The following NDST4 variants were observed in gnomAD, a reference collection of about 807,000 sequenced individuals.
NDST4 encodes N-deacetylase and N-sulfotransferase 4.
NDST4 carries 63 observed loss-of-function variants against 100.8 expected under a neutral mutation model. The observed-to-expected ratio is 0.62, with a 90% CI of 0.51 to 0.77. The LOEUF (loss-of-function observed/expected upper bound fraction) is 0.77. Among genes scored for constraint, NDST4 ranks in the 30% least tolerant of loss-of-function variants. NDST4 has a pLI of 0.00. For missense variants in NDST4, 943 were observed against 1,018.4 expected (o/e 0.93, Z 1.01); for synonymous variants, 377 against 361.8 (o/e 1.04, Z -0.48).
At position 114,966,210 on chromosome 4, in the gene NDST4, C is replaced by G. The variant is rs143969336; in HGVS notation, c.1221+4220G>C. ...ATAATACATCCACACACATGTACACCCCCACTGCATACATTGGTGCTCATG... is the reference window on the plus strand; with the variant it reads ...ATAATACATCCACACACATGTACACGCCCACTGCATACATTGGTGCTCATG... On this transcript the variant is annotated intron_variant, in intron 4 of 13. Coordinates refer to ENST00000264363, the MANE Select transcript of NDST4 (RefSeq NM_022569.3). Among the ~76,000 whole-genome samples, 441 of 151,952 alleles carry G rather than the reference C, an allele frequency of 2.9e-3. 8 individuals are homozygous for G. The highest frequency in any genetic ancestry group is 5.1e-3 in the Non-Finnish European group (348 of 67,872).
intron 8 of NDST4, among the ~76,000 whole-genome samples, chr4:114,851,125 C>T (rs1723667306): frequency 6.6e-6 from 1 of 152,130 alleles, no homozygotes; most frequent in Non-Finnish European, 1.5e-5. Context: ...GAGATGCATG[C>T]ACCACATTTA....
At chr4:114,890,666 C>T (rs1724574029) in intron 6 of NDST4, among the ~76,000 whole-genome samples, 1 of 152,076 alleles carries the variant, frequency 6.6e-6, no homozygotes, top group Admixed American at 6.6e-5. Flanking sequence ...TATCCTCTCT[C>T]TCTCTTTTCC....
intron 1 of NDST4, among the ~76,000 whole-genome samples, chr4:115,112,648 A>C (rs1729978597): frequency 6.6e-6 from 1 of 151,962 alleles, no homozygotes; most frequent in South Asian, 2.1e-4. Flanking sequence ...ACAAATTCTA[A>C]GAAAAATAAG....
rs116365398 is a variant in NDST4, at chr4:114,910,986, G to A, written c.1536+24220C>T. Among the ~76,000 whole-genome samples, 460 of 152,044 alleles carry A rather than the reference G, an allele frequency of 3.0e-3. 3 individuals carry two copies. Among genetic ancestry groups the A allele is most frequent in the African/African-American group, 0.011 (453 of 41,440 alleles). ...TCTGCTTTGCAATAGCCTCCTAATT[G>A]GTATCTTTGTTCTACACTTGCTGAC... On this transcript the variant is annotated intron_variant, in intron 6 of 13. Transcript: ENST00000264363.
intron 2 of NDST4, among the ~76,000 whole-genome samples, chr4:115,052,614 T>C (rs1041786482): frequency 6.6e-6 from 1 of 151,676 alleles, no homozygotes; most frequent in African/African-American, 2.4e-5. Flanking sequence ...TGCCCTCCCG[T>C]AAGACGTGAC....
chr4:115,036,845 C>T (rs2126272274), intron 2 of NDST4, among the ~76,000 whole-genome samples: 1 of 151,964 alleles, frequency 6.6e-6, no homozygotes, highest in African/African-American at 2.4e-5. Flanking sequence ...AAATAGGGAA[C>T]ACAATTATAT....
chr4:114,967,534 A>G (rs1462819362), intron 4 of NDST4, among the ~76,000 whole-genome samples: 1 of 152,076 alleles, frequency 6.6e-6, no homozygotes, highest in East Asian at 1.9e-4. Context: ...AATATAACCT[A>G]TATCCCTAAA....
rs184977491 is a variant in NDST4 at position 114,857,627 on chromosome 4, T to G, written c.1720-4806A>C. On this transcript the variant is annotated intron_variant, in intron 7 of 13. Coordinates refer to ENST00000264363, the MANE Select transcript of NDST4 (RefSeq NM_022569.3). ...AAATGGACTTTGGTGGCACTACAGT[T>G]CCATTCAGAGGGGTTTCTAAAAATC... Among the ~76,000 whole-genome samples, 206 of 152,328 alleles carry G rather than the reference T, an allele frequency of 1.4e-3. 2 individuals are homozygous for G. The highest frequency in any genetic ancestry group is 9.0e-4 in the Non-Finnish European group (61 of 68,030).
intron 6 of NDST4, among the ~76,000 whole-genome samples, chr4:114,877,133 T>C (rs886238430): frequency 2.6e-5 from 4 of 152,146 alleles, no homozygotes; most frequent in Non-Finnish European, 5.9e-5. Context: ...GAATCAATAT[T>C]CTTTCTTATT....
intron 2 of NDST4, among the ~76,000 whole-genome samples, chr4:115,059,570 C>T (rs1174246291): frequency 6.6e-6 from 1 of 151,938 alleles, no homozygotes; most frequent in African/African-American, 2.4e-5. Context: ...ATTATTAACC[C>T]AAGGAGTTCT....
intron 2 of NDST4, among the ~76,000 whole-genome samples, chr4:115,018,752 C>T (rs1204865992): frequency 6.6e-6 from 1 of 151,730 alleles, no homozygotes; most frequent in East Asian, 1.9e-4. Flanking sequence ...AATCATGGGG[C>T]TAAGCACTTA....
chr4:114,852,925 G>C (rs1723709391), intron 7 of NDST4, 104 bp from the exon 8 acceptor site: 2 of 685,648 alleles, frequency 2.9e-6, no homozygotes, highest in Admixed American at 3.3e-5. Context: ...TAATACCTTA[G>C]AACTTGGAGT....
intron 6 of NDST4, among the ~76,000 whole-genome samples, chr4:114,896,608 G>A (rs1724718712): frequency 6.9e-6 from 1 of 143,924 alleles, no homozygotes; most frequent in South Asian, 2.3e-4. Flanking sequence ...TAGTGACAGA[G>A]TGAGACTCCG....
intron 6 of NDST4, among the ~76,000 whole-genome samples, chr4:114,873,933 T>C (rs1724203445): frequency 6.6e-6 from 1 of 152,160 alleles, no homozygotes; most frequent in East Asian, 1.9e-4. Context: ...TAAATTTGTA[T>C]TGTGCTAAAG....
intron 2 of NDST4, among the ~76,000 whole-genome samples, chr4:115,020,674 G>T (rs1727790169): frequency 6.6e-6 from 1 of 151,838 alleles, no homozygotes; most frequent in Non-Finnish European, 1.5e-5. Context: ...TCTGAAAAAG[G>T]ACTAATATCC....
intron 2 of NDST4, among the ~76,000 whole-genome samples, chr4:115,026,919 T>G (rs1251830297): frequency 6.6e-6 from 1 of 152,158 alleles, no homozygotes; most frequent in Admixed American, 6.6e-5. Context: ...CGTAAAAGGC[T>G]ACAACTTGCA....
At chr4:114,900,447 A>T (rs1724812294) in intron 6 of NDST4, among the ~76,000 whole-genome samples, 1 of 152,144 alleles carries the variant, frequency 6.6e-6, no homozygotes, top group Non-Finnish European at 1.5e-5. Context: ...ACTACATAAC[A>T]GTGTTTTAGT....
At chr4:115,019,409 A>G (rs1727758829) in intron 2 of NDST4, among the ~76,000 whole-genome samples, 1 of 152,112 alleles carries the variant, frequency 6.6e-6, no homozygotes, top group South Asian at 2.1e-4. Context: ...ATGCCAGGTG[A>G]CCCAGCCTAA....
intron 6 of NDST4, among the ~76,000 whole-genome samples, chr4:114,878,846 T>C (rs1032229445): frequency 3.3e-5 from 5 of 151,962 alleles, no homozygotes; most frequent in Non-Finnish European, 1.5e-5. Context: ...TAATAGATCA[T>C]ATCTTTTGTA....
Sources: allele counts gnomAD v4.1 joint callset (sites outside exome capture counted in the v4.1 genomes callset), GRCh38; gene constraint gnomAD v4.1.1; transcripts MANE v1.5; gene names NCBI Gene and HGNC (gene_info 2026-07-23, HGNC 2026-07-21).